Variants in SRBD1 observed in about 807,000 individuals in gnomAD.
The protein encoded by SRBD1 is S1 RNA binding domain 1.
SRBD1 carries 88 observed loss-of-function variants against 115.3 expected under a neutral mutation model. That is an observed-to-expected ratio of 0.76 (90% CI 0.64 to 0.91). The LOEUF is 0.91. SRBD1 is among the 40% of genes least tolerant of loss of function. The probability of loss-of-function intolerance (pLI) is 0.00; values close to 1 mark genes in which losing one functional copy is unlikely to be tolerated. For synonymous variants in SRBD1, 509 were observed against 407.7 expected (o/e 1.25, Z -2.99); for missense variants, 1,385 against 1,177.4 (o/e 1.18, Z -2.58).
At chr2:45,609,356 C>A (rs1465681135) in intron 1 of SRBD1, among the ~76,000 whole-genome samples, 6 of 152,212 alleles carry the variant, frequency 3.9e-5, no homozygotes, top group Non-Finnish European at 7.3e-5. Flanking sequence ...TGAATCTCCA[C>A]GATCTTCAGT....
At chr2:45,519,578 A>T (rs555588206) in intron 14 of SRBD1, among the ~76,000 whole-genome samples, 2 of 152,304 alleles carry the variant, frequency 1.3e-5, no homozygotes, top group Admixed American at 6.5e-5. Context: ...TATATTCAAC[A>T]TTCTTACATT....
At chr2:45,466,873 G>C (rs1669504234) in intron 16 of SRBD1, among the ~76,000 whole-genome samples, 1 of 152,152 alleles carries the variant, frequency 6.6e-6, no homozygotes, top group African/African-American at 2.4e-5. Flanking sequence ...GAGACTTTCA[G>C]CAGGGTCTCT....
intron 14 of SRBD1, 148 bp downstream of exon 14, chr2:45,546,584 T>C (rs1418180379): frequency 1.2e-6 from 1 of 820,432 alleles, no homozygotes; most frequent in African/African-American, 1.7e-5. Context: ...CACTTTACAT[T>C]ATCCTGCAAA....
At chr2:45,393,283 T>C (rs1015401165) in intron 19 of SRBD1, among the ~76,000 whole-genome samples, 154 bp from the exon 20 acceptor site, 1 of 152,208 alleles carries the variant, frequency 6.6e-6, no homozygotes, top group African/African-American at 2.4e-5. Flanking sequence ...TGCTGTAAAC[T>C]GTCCTGAAAA....
At chr2:45,603,889 T>C (rs1162226846) in intron 2 of SRBD1, among the ~76,000 whole-genome samples, 3 of 152,092 alleles carry the variant, frequency 2.0e-5, no homozygotes, top group Admixed American at 6.6e-5. Flanking sequence ...GCTCAAGACT[T>C]GTATATCCAC....
chr2:45,604,821 T>C (rs1437926287), intron 2 of SRBD1, among the ~76,000 whole-genome samples: 2 of 152,236 alleles, frequency 1.3e-5, no homozygotes, highest in African/African-American at 4.8e-5. Flanking sequence ...CTTATTACTA[T>C]AAATATTACC....
intron 16 of SRBD1, among the ~76,000 whole-genome samples, chr2:45,476,162 G>A (rs1335275316): frequency 6.6e-6 from 1 of 152,154 alleles, no homozygotes; most frequent in African/African-American, 2.4e-5. Flanking sequence ...ATATATGACA[G>A]GTTAATCTAA....
At chr2:45,405,842 G>A (rs952313660) in intron 19 of SRBD1, among the ~76,000 whole-genome samples, 1 of 152,102 alleles carries the variant, frequency 6.6e-6, no homozygotes, top group African/African-American at 2.4e-5. Flanking sequence ...GAGAAAGCAG[G>A]AAGAAAGAAT....
At chr2:45,551,051 C>T in intron 12 of SRBD1, 74 bp downstream of exon 12, 1 of 1,495,060 alleles carries the variant, frequency 6.7e-7, no homozygotes, top group Non-Finnish European at 8.9e-7. Flanking sequence ...ATTTCCAAAT[C>T]CTCATGAAAT....
At chr2:45,536,020 T>C (rs2103995894) in intron 14 of SRBD1, among the ~76,000 whole-genome samples, 1 of 152,142 alleles carries the variant, frequency 6.6e-6, no homozygotes, top group East Asian at 1.9e-4. Flanking sequence ...CCTTGTAAAA[T>C]CCACACCTGG....
chr2:45,469,814 C>T (rs182583606), intron 16 of SRBD1, among the ~76,000 whole-genome samples: 2 of 152,222 alleles, frequency 1.3e-5, no homozygotes, highest in East Asian at 3.9e-4. Flanking sequence ...AATTGCAAGG[C>T]TAAGTCTGAA....
At chr2:45,568,875 T>C (rs1049604336) in intron 9 of SRBD1, among the ~76,000 whole-genome samples, 1 of 152,258 alleles carries the variant, frequency 6.6e-6, no homozygotes, top group African/African-American at 2.4e-5. Flanking sequence ...TATACCTGTA[T>C]CAGTAGACTA....
At chr2:45,405,482 G>A (rs1293673499) in intron 19 of SRBD1, among the ~76,000 whole-genome samples, 1 of 152,126 alleles carries the variant, frequency 6.6e-6, no homozygotes, top group Non-Finnish European at 1.5e-5. Flanking sequence ...ACAGACAAAT[G>A]GAAAGGTTGG....
intron 14 of SRBD1, among the ~76,000 whole-genome samples, chr2:45,500,971 T>C (rs553273316): frequency 6.6e-6 from 1 of 152,332 alleles, no homozygotes; most frequent in South Asian, 2.1e-4. Flanking sequence ...TGTATCTTAG[T>C]AGAAAGGCTT....
chr2:45,474,854 G>A (rs1242089572), intron 16 of SRBD1, among the ~76,000 whole-genome samples: 2 of 152,098 alleles, frequency 1.3e-5, no homozygotes, highest in Non-Finnish European at 2.9e-5. Flanking sequence ...AAATAAATAT[G>A]TATTTATATA....
intron 16 of SRBD1, among the ~76,000 whole-genome samples, chr2:45,467,939 A>T (rs1475991564): frequency 6.6e-6 from 1 of 152,130 alleles, no homozygotes; most frequent in African/African-American, 2.4e-5. Context: ...GCATCTTGTT[A>T]AAAAATTATG....
intron 3 of SRBD1, among the ~76,000 whole-genome samples, chr2:45,600,042 G>C (rs1289745264): frequency 6.6e-6 from 1 of 152,188 alleles, no homozygotes; most frequent in Non-Finnish European, 1.5e-5. Context: ...GAAGAGATTA[G>C]AGGTTGGCAA....
chr2:45,548,717 C>CA (rs60205757), intron 12 of SRBD1, among the ~76,000 whole-genome samples: 79,542 of 139,802 alleles, frequency 0.57, 22,866 homozygotes, highest in African/African-American at 0.71. Context: ...TGAACAGATG[C>CA]AAAAAAAAAA....
chr2:45,581,375 T>G (rs1572803717), intron 6 of SRBD1, among the ~76,000 whole-genome samples: 4 of 152,348 alleles, frequency 2.6e-5, no homozygotes, highest in African/African-American at 2.4e-5. Context: ...AACTACAGGC[T>G]GAAGACATCC....
Sources: gnomAD v4.1 joint callset for allele counts (sites outside exome capture counted in the v4.1 genomes callset) on GRCh38, gnomAD v4.1.1 for gene constraint, MANE v1.5 for transcripts, NCBI Gene and HGNC (gene_info 2026-07-23, HGNC 2026-07-21) for gene names.